The following ITPR1 variants were observed in gnomAD, a reference collection of about 807,000 sequenced individuals.
ITPR1 encodes the protein inositol 1,4,5-trisphosphate-gated calcium channel ITPR1.
In ITPR1, 96 loss-of-function variants were observed where a neutral mutation model predicts 318.4. The observed-to-expected ratio is 0.30, with a 90% CI of 0.26 to 0.36. The LOEUF (loss-of-function observed/expected upper bound fraction) is 0.36, where lower values mean the gene tolerates loss of function less well. ITPR1 is among the 10% of genes least tolerant of loss of function. The pLI is 1.00. For missense variants in ITPR1, 2,440 were observed against 3,460.2 expected (o/e 0.71, Z 7.40); for synonymous variants, 1,312 against 1,289.9 (o/e 1.02, Z -0.37).
At chr3:4,643,627 C>CAT (rs1280515845) in intron 7 of ITPR1, among the ~76,000 whole-genome samples, 10 of 151,210 alleles carry the variant, frequency 6.6e-5, no homozygotes, top group East Asian at 3.9e-4. Flanking sequence ...GTTTTAGTTA[C>CAT]ATATATATAT....
Position 4,662,132 on chromosome 3 carries a change from G to A in ITPR1, c.1302G>A (p.Pro434=), listed in dbSNP as rs34252981. ...KEDKEAFAIV[P]VSPAEVRDLD... ...ATAAGGAAGCATTTGCCATAGTTCC[G>A]GTTTCTCCTGCTGAAGTTCGGGACC... Residue 434 remains proline, a synonymous_variant, in exon 15 of 62, where the codon CCG becomes CCA. Coordinates refer to ENST00000649015, the MANE Select transcript of ITPR1 (RefSeq NM_001378452.1). The A allele has an allele frequency of 2.0e-3, 3,173 of 1,613,674 alleles. 45 individuals are homozygous for A. In the African/African-American group the frequency reaches 0.034, roughly 17 times the overall value.
intron 37 of ITPR1, among the ~76,000 whole-genome samples, chr3:4,708,547 G>T (rs947804180): frequency 6.6e-6 from 1 of 152,168 alleles, no homozygotes; most frequent in Non-Finnish European, 1.5e-5. Context: ...TTAGAAAGGC[G>T]GGAGGGATGT....
At chr3:4,536,371 T>A (rs976790434) in intron 4 of ITPR1, among the ~76,000 whole-genome samples, 3 of 152,250 alleles carry the variant, frequency 2.0e-5, no homozygotes, top group Non-Finnish European at 4.4e-5. Flanking sequence ...TGTTTTTGTT[T>A]GACGTTTTTA....
At chr3:4,522,615 TCTC>T (rs1294357457) in intron 4 of ITPR1, among the ~76,000 whole-genome samples, 1 of 152,216 alleles carries the variant, frequency 6.6e-6, no homozygotes, top group South Asian at 2.1e-4. Context: ...GCCTTTTTCT[TCTC>T]AATCCTTCTT....
chr3:4,787,642 G>A (rs1045899979), intron 51 of ITPR1, among the ~76,000 whole-genome samples: 3 of 151,882 alleles, frequency 2.0e-5, no homozygotes, highest in African/African-American at 4.8e-5. Flanking sequence ...AGGTTGCAGT[G>A]AGCCAAGATC....
chr3:4,652,768 C>T (rs184927380), intron 11 of ITPR1, among the ~76,000 whole-genome samples: 214 of 152,210 alleles, frequency 1.4e-3, no homozygotes, highest in Non-Finnish European at 2.5e-3. Context: ...ACCTATAATC[C>T]CAGCACTTTG....
intron 4 of ITPR1, among the ~76,000 whole-genome samples, chr3:4,523,619 TG>T (rs142180978): frequency 0.01 from 1,581 of 152,280 alleles, 20 homozygotes; most frequent in African/African-American, 0.035. Flanking sequence ...TTCCACTCTC[TG>T]TTTCTAGGAG....
At chr3:4,782,427 G>A (rs2046895656) in intron 49 of ITPR1, 192 bp from the exon 50 acceptor site, 2 of 454,722 alleles carry the variant, frequency 4.4e-6, no homozygotes, top group Non-Finnish European at 7.8e-6. Flanking sequence ...CTCACGACAG[G>A]AGAGGTGGAT....
chr3:4,818,270 G>A, intron 60 of ITPR1, 28 bp downstream of exon 60: 1 of 1,545,578 alleles, frequency 6.5e-7, no homozygotes, highest in Non-Finnish European at 8.8e-7. Context: ...CTGGGAGCAA[G>A]GTGGACTTGG....
intron 4 of ITPR1, among the ~76,000 whole-genome samples, chr3:4,546,476 TC>T (rs1160517807): frequency 1.3e-5 from 2 of 152,168 alleles, no homozygotes; most frequent in African/African-American, 4.8e-5. Context: ...AGCTAAGAGT[TC>T]CTGAATCTTT....
intron 32 of ITPR1, among the ~76,000 whole-genome samples, chr3:4,692,154 T>TAAAAAAAAAAAA (rs1174280972): frequency 6.7e-6 from 1 of 148,320 alleles, no homozygotes; most frequent in African/African-American, 2.5e-5. Flanking sequence ...AGAAAAAAAA[T>TAAAAAAAAAAAA]AAAAAAAAGA....
intron 2 of ITPR1, among the ~76,000 whole-genome samples, chr3:4,505,150 C>T (rs2081311296): frequency 6.6e-6 from 1 of 152,118 alleles, no homozygotes; most frequent in Admixed American, 6.6e-5. Context: ...AGCAAAAGCC[C>T]TGTGTGTAAG....
intron 39 of ITPR1, among the ~76,000 whole-genome samples, chr3:4,713,100 G>A (rs1028858725): frequency 3.9e-5 from 6 of 152,116 alleles, no homozygotes; most frequent in East Asian, 1.9e-4. Context: ...TGGGGGGTAC[G>A]GGGGAAGGCT....
chr3:4,673,935 A>C (rs1484346054), intron 21 of ITPR1, among the ~76,000 whole-genome samples: 1 of 152,144 alleles, frequency 6.6e-6, no homozygotes, highest in African/African-American at 2.4e-5. Flanking sequence ...GCAAATATTT[A>C]AGTGTGTACT....
intron 46 of ITPR1, among the ~76,000 whole-genome samples, chr3:4,772,770 T>C (rs1396316101): frequency 6.6e-6 from 1 of 152,226 alleles, no homozygotes; most frequent in African/African-American, 2.4e-5. Context: ...GAGTTCCCTG[T>C]GCCTCGTAGT....
rs902339522 is a variant in ITPR1 at position 4,813,218 on chromosome 3, T to G, written c.7545T>G (p.Ser2515=). 2 of 1,611,462 alleles carry G rather than the reference T, an allele frequency of 1.2e-6. No individual in the cohort carries two copies. The highest frequency in any genetic ancestry group is 3.3e-5 in the Admixed American group (2 of 59,888). The change falls in exon 57 of 62, where the codon TCT becomes TCG. Residue 2515 remains serine (S), a synonymous_variant. Coordinates refer to ENST00000649015, the MANE Select transcript of ITPR1 (RefSeq NM_001378452.1). Reference sequence around the variant, plus strand: ...TGGAGAGTGGGGAGAACTGCTCCTCTCCTGCACCCAGAGAAGGTAGGACCT... The same window carrying G: ...TGGAGAGTGGGGAGAACTGCTCCTCGCCTGCACCCAGAGAAGGTAGGACCT... ...CRVESGENCS[S]PAPREELVPA... is the part of the protein sequence containing the mutation.
chr3:4,701,244 C>T (rs561443730), intron 35 of ITPR1, among the ~76,000 whole-genome samples: 2 of 152,352 alleles, frequency 1.3e-5, no homozygotes, highest in African/African-American at 2.4e-5. Context: ...GTTGGGTTCT[C>T]ATCCCAAATC....
In ITPR1 at chr3:4,732,348, C is replaced by G. The variant is rs148837708; in HGVS notation, c.5221-740C>G. On this transcript the variant is annotated intron_variant, in intron 42 of 61. Transcript: ENST00000649015. ...AGGAGTCAGAAAGGTTTTGAAACCC[C>G]TCATTCATAACTCTGCTTCAACAGC... 7.2e-4 allele frequency among the ~76,000 whole-genome samples: 109 copies of G among 152,272 alleles called. 1 individual carries two copies. The highest frequency in any genetic ancestry group is 2.4e-3 in the African/African-American group (99 of 41,546).
chr3:4,808,491 C>G (rs2048731013), intron 55 of ITPR1, among the ~76,000 whole-genome samples: 1 of 152,250 alleles, frequency 6.6e-6, no homozygotes, highest in Non-Finnish European at 1.5e-5. Flanking sequence ...AGCTTCTGAT[C>G]ATGCTACCTC....
Sources: allele counts gnomAD v4.1 joint callset (sites outside exome capture counted in the v4.1 genomes callset), GRCh38; gene constraint gnomAD v4.1.1; transcripts MANE v1.5; gene names NCBI Gene and HGNC (gene_info 2026-07-23, HGNC 2026-07-21).